The following C20orf96 variants were observed in gnomAD, a reference collection of about 807,000 sequenced individuals.
C20orf96 encodes the protein uncharacterized protein C20orf96.
In C20orf96, 57 loss-of-function variants were observed where a neutral mutation model predicts 52.6. The observed-to-expected ratio is 1.08, with a 90% CI of 0.88 to 1.35. The LOEUF (loss-of-function observed/expected upper bound fraction) is 1.35, where lower values mean the gene tolerates loss of function less well. Ranked by LOEUF, C20orf96 falls within the 40% of genes most tolerant of loss-of-function variation. C20orf96 has a pLI of 0.00. For synonymous variants in C20orf96, 168 were observed against 157.2 expected, an observed-to-expected ratio of 1.07 and a Z score of -0.51; for missense variants, 478 against 443.6, an observed-to-expected ratio of 1.08 and a Z score of -0.70.
chr20:289,184 C>T (rs1344354046), intron 3 of C20orf96, among the ~76,000 whole-genome samples: 1 of 148,556 alleles, frequency 6.7e-6, no homozygotes, highest in Non-Finnish European at 1.5e-5. Context: ...ACATTTGTCA[C>T]TTCAAATCTG....
chr20:277,162 G>T lies in C20orf96; in HGVS notation c.724-17C>A. On this transcript the variant is annotated splice_polypyrimidine_tract_variant and intron_variant, in intron 7 of 10. Transcript: ENST00000360321. The stretch of plus-strand genomic sequence containing the variant: ...CAGCTCATCCTGGGAGCCAGCAGAA[G>T]GGTGTTGGTCACCAGTCCTGCCTCC... 6.2e-7 allele frequency: 1 copy of T among 1,613,684 alleles called. No homozygotes were observed. The highest frequency in any genetic ancestry group is 1.1e-5 in the South Asian group (1 of 91,048).
rs1276061798 is a variant in C20orf96, at chr20:278,388, C to T, written c.507G>A (p.Leu169=). The change falls in exon 6 of 11, where the codon CTG becomes CTA. Residue 169 remains leucine (L), a synonymous_variant. Coordinates refer to ENST00000360321, the MANE Select transcript of C20orf96 (RefSeq NM_153269.3). Reference sequence around the variant, plus strand: ...CCTGAAGCTCAGATTTCAATTGCTGCAGCCTCTTCTTGTTTGAGTACTCCA... The same window carrying T: ...CCTGAAGCTCAGATTTCAATTGCTGTAGCCTCTTCTTGTTTGAGTACTCCA... ...DILEYSNKKR[L]QQLKSELQEW... 1 of 1,614,022 alleles carries T rather than the reference C, an allele frequency of 6.2e-7. No homozygotes were observed. The highest frequency in any genetic ancestry group is 1.1e-5 in the South Asian group (1 of 91,080).
chr20:290,563 ATTTTTTT>A, intron 1 of C20orf96, 21 bp downstream of exon 1: 1 of 1,309,052 alleles, frequency 7.6e-7, no homozygotes, highest in African/African-American at 2.0e-5. Context: ...CTTTCTTCCA[ATTTTTTT>A]TTTTTTTTTT....
rs867253737 is a variant in C20orf96, at chr20:290,171, C to T, written c.69+88G>A. On this transcript the variant is annotated intron_variant, in intron 2 of 10. Transcript: ENST00000360321. ...AATTCGGGTCTCCAGCCTATATCCG[C>T]GGAGCAGTCACGACCGTGAGAGTGG... 2.7e-5 allele frequency: 28 copies of T among 1,047,736 alleles called. 1 individual carries two copies. In the Middle Eastern group the frequency reaches 3.4e-3, roughly 128 times the overall value. 64.9% of individuals were successfully genotyped at this position (1,047,736 alleles called of 1,614,324 possible). A position where few individuals can be genotyped will look rare whatever the true frequency, so the allele number is the denominator to read the frequency against.
intron 6 of C20orf96, among the ~76,000 whole-genome samples, chr20:277,609 G>A (rs1211383509): frequency 6.6e-6 from 1 of 152,156 alleles, no homozygotes; most frequent in Non-Finnish European, 1.5e-5. Flanking sequence ...AAGGGAATTG[G>A]TGCATGATCC....
At chr20:277,712 A>C (rs1260697001) in intron 6 of C20orf96, among the ~76,000 whole-genome samples, 2 of 152,186 alleles carry the variant, frequency 1.3e-5, no homozygotes, top group African/African-American at 4.8e-5. Context: ...GACACACTCA[A>C]GGAAGTGAGA....
chr20:279,397 G>A (rs1160623511), intron 4 of C20orf96, 67 bp from the exon 5 acceptor site: 19 of 1,499,148 alleles, frequency 1.3e-5, no homozygotes, highest in Admixed American at 2.3e-5. Flanking sequence ...CCGAAAGCCC[G>A]TGGACCCGCC....
In C20orf96 at chr20:277,187, CCA is replaced by C. The variant is rs754641774; in HGVS notation, c.723+37_723+38del. 14 of 1,613,910 alleles carry C rather than the reference CCA, an allele frequency of 8.7e-6. No homozygotes were observed. In the South Asian group the frequency reaches 1.5e-4, roughly 18 times the overall value. ...GGGTGTTGGTCACCAGTCCTGCCTC[CCA>C]CACAGTCTGGTGGGAGAGGGGCAGG... On this transcript the variant is annotated intron_variant, in intron 7 of 10. Coordinates refer to ENST00000360321, the MANE Select transcript of C20orf96 (RefSeq NM_153269.3).
chr20:290,524 G>A (rs2012515654), intron 1 of C20orf96, 67 bp downstream of exon 1: 2 of 1,582,922 alleles, frequency 1.3e-6, no homozygotes, highest in Admixed American at 1.8e-5. Flanking sequence ...GGACAGCGGC[G>A]GGGTGTGAAG....
intron 3 of C20orf96, among the ~76,000 whole-genome samples, chr20:286,151 G>A (rs6137140): frequency 0.21 from 31,228 of 152,052 alleles, 4,179 homozygotes; most frequent in East Asian, 0.37. Flanking sequence ...ATTGGTAGTA[G>A]CCCTAATTTA....
intron 3 of C20orf96, among the ~76,000 whole-genome samples, chr20:288,174 C>CTTTTTTTTTTTTTT (rs1237648367): frequency 5.0e-4 from 33 of 66,052 alleles, no homozygotes; most frequent in Admixed American, 1.1e-3. Context: ...TTTTCTTTTT[C>CTTTTTTTTTTTTTT]TTTTTTTTTT....
chr20:273,879 G>GAA (rs1408323235), intron 10 of C20orf96, among the ~76,000 whole-genome samples: 7 of 77,560 alleles, frequency 9.0e-5, no homozygotes, highest in African/African-American at 5.6e-4. Flanking sequence ...TCTGTCTCAA[G>GAA]AAGAAGGAAG....
chr20:277,588 T>C (rs946421021), intron 6 of C20orf96, among the ~76,000 whole-genome samples: 30 of 151,706 alleles, frequency 2.0e-4, no homozygotes, highest in Non-Finnish European at 4.4e-5. Context: ...CAATGCTGGG[T>C]AGGAAAAAGG....
chr20:286,242 C>T (rs113137955), intron 3 of C20orf96, among the ~76,000 whole-genome samples: 9 of 152,170 alleles, frequency 5.9e-5, no homozygotes, highest in Admixed American at 4.6e-4. Context: ...AGGGGCTGGC[C>T]GTGGTGGCTC....
At chr20:284,123 C>G (rs6046931) in intron 3 of C20orf96, 42 bp from the exon 4 acceptor site, 1 of 1,541,580 alleles carries the variant, frequency 6.5e-7, no homozygotes, top group African/African-American at 1.4e-5. Context: ...GTGAGGGTCC[C>G]GGAAGGCCTG....
chr20:288,817 C>A (rs2012463873), intron 3 of C20orf96, among the ~76,000 whole-genome samples: 2 of 152,164 alleles, frequency 1.3e-5, no homozygotes, highest in African/African-American at 4.8e-5. Flanking sequence ...AAGTTCATTT[C>A]AGGATACCAA....
At chr20:272,786 C>T (rs190016712) in intron 10 of C20orf96, among the ~76,000 whole-genome samples, 189 of 152,296 alleles carry the variant, frequency 1.2e-3, no homozygotes, top group African/African-American at 4.4e-3. Flanking sequence ...TTGATACCTC[C>T]CTTTCCTGTA....
intron 5 of C20orf96, 114 bp from the exon 6 acceptor site, chr20:278,543 C>T: frequency 1.3e-6 from 1 of 772,156 alleles, no homozygotes; most frequent in South Asian, 1.4e-5. Context: ...GAAACCTGAC[C>T]AGAGGCTAAT....
chr20:276,469 G>A (rs539405964), intron 9 of C20orf96: 1 of 985,460 alleles, frequency 1.0e-6, no homozygotes, highest in South Asian at 4.7e-5. Context: ...CATTAACACT[G>A]ATAATGGGTG....
Sources: gnomAD v4.1 joint callset for allele counts (sites outside exome capture counted in the v4.1 genomes callset) on GRCh38, gnomAD v4.1.1 for gene constraint, MANE v1.5 for transcripts, NCBI Gene and HGNC (gene_info 2026-07-23, HGNC 2026-07-21) for gene names.